Variants in PTPN9 observed in about 807,000 individuals in gnomAD.
The protein encoded by PTPN9 is tyrosine-protein phosphatase non-receptor type 9.
PTPN9 carries 26 observed loss-of-function variants against 69.8 expected under a neutral mutation model. The observed-to-expected ratio is 0.37, with a 90% confidence interval of 0.27 to 0.52. PTPN9 has a LOEUF of 0.52. PTPN9 is among the 20% of genes least tolerant of loss of function. The probability of loss-of-function intolerance (pLI) is 0.91; values close to 1 mark genes in which losing one functional copy is unlikely to be tolerated. For synonymous variants in PTPN9, 274 were observed against 272.5 expected (o/e 1.01, Z -0.05); for missense variants, 549 against 740.3 (o/e 0.74, Z 3.00).
At chr15:75,535,576 G>A (rs769579762) in intron 1 of PTPN9, among the ~76,000 whole-genome samples, 2 of 152,192 alleles carry the variant, frequency 1.3e-5, no homozygotes, top group Non-Finnish European at 2.9e-5. Context: ...CAGTCATCCT[G>A]CAATGAAGAC....
chr15:75,497,355 G>A (rs1022006731), intron 7 of PTPN9, among the ~76,000 whole-genome samples: 2 of 151,860 alleles, frequency 1.3e-5, no homozygotes, highest in African/African-American at 4.8e-5. Context: ...AGCAAGGTGT[G>A]GCACCCCATA....
intron 8 of PTPN9, chr15:75,480,680 G>C: frequency 1.6e-6 from 2 of 1,267,686 alleles, no homozygotes; most frequent in South Asian, 1.6e-5. Flanking sequence ...AGCCGCTGCC[G>C]CGACCGACCG....
At chr15:75,570,594 A>G (rs1170453172) in intron 1 of PTPN9, among the ~76,000 whole-genome samples, 2 of 151,532 alleles carry the variant, frequency 1.3e-5, no homozygotes, top group Non-Finnish European at 2.9e-5. Flanking sequence ...ACATGGTAAA[A>G]CCCCCCTCTA....
At chr15:75,535,124 G>C (rs1041839418) in intron 1 of PTPN9, among the ~76,000 whole-genome samples, 1 of 151,482 alleles carries the variant, frequency 6.6e-6, no homozygotes, top group African/African-American at 2.4e-5. Context: ...AGCCTCCTGA[G>C]TAGCTGGGAC....
intron 7 of PTPN9, among the ~76,000 whole-genome samples, chr15:75,502,370 C>T (rs1211486118): frequency 6.6e-6 from 1 of 151,790 alleles, no homozygotes; most frequent in Admixed American, 6.6e-5. Flanking sequence ...ATCGCTTGAA[C>T]CTGGGAGGCG....
At chr15:75,469,703 C>T in intron 12 of PTPN9, 89 bp downstream of exon 12, 1 of 1,411,282 alleles carries the variant, frequency 7.1e-7, no homozygotes, top group Non-Finnish European at 9.9e-7. Flanking sequence ...AGTTCCTTCT[C>T]CAATCACAGA....
chr15:75,578,659 G>A (rs2075184797), intron 1 of PTPN9, 55 bp downstream of exon 1: 1 of 1,278,164 alleles, frequency 7.8e-7, no homozygotes, highest in Admixed American at 3.8e-5. Flanking sequence ...GCAGAGGCCG[G>A]CGTAGGCCTC....
chr15:75,498,467 C>T (rs528115299), intron 7 of PTPN9, among the ~76,000 whole-genome samples: 4 of 151,948 alleles, frequency 2.6e-5, no homozygotes, highest in African/African-American at 9.7e-5. Flanking sequence ...GTAATCCCAG[C>T]ACTTTGGGAG....
At chr15:75,473,220 A>G (rs2074577957) in intron 10 of PTPN9, among the ~76,000 whole-genome samples, 1 of 152,066 alleles carries the variant, frequency 6.6e-6, no homozygotes, top group African/African-American at 2.4e-5. Flanking sequence ...AGATATCTCA[A>G]AATCTTTGCC....
chr15:75,520,509 T>G (rs1390038999), intron 4 of PTPN9, among the ~76,000 whole-genome samples: 1 of 151,976 alleles, frequency 6.6e-6, no homozygotes, highest in East Asian at 1.9e-4. Context: ...TATGTGTGTA[T>G]ATATATACAT....
rs1466241634 is a variant in PTPN9 at position 75,463,321 on chromosome 15, A to G, written c.*5448T>C. 1 of 152,220 alleles carries G rather than the reference A, an allele frequency of 6.6e-6. No individual in the cohort carries two copies. The highest frequency in any genetic ancestry group is 2.4e-5 in the African/African-American group (1 of 41,446). The allele number at this position is 152,220 out of a possible 1,614,324, so 9.4% of individuals were successfully genotyped here. A position where few individuals can be genotyped will look rare whatever the true frequency, so the allele number is the denominator to read the frequency against. On this transcript the variant is annotated 3_prime_UTR_variant, in exon 13 of 13. Transcript: ENST00000618819. ...AAGAAAATTCATTAAAAGTCAAGAA[A>G]GAGCCCCCAGATGAAATGGCTGACC...
At chr15:75,548,357 G>A (rs1420995727) in intron 1 of PTPN9, among the ~76,000 whole-genome samples, 4 of 151,582 alleles carry the variant, frequency 2.6e-5, no homozygotes, top group Non-Finnish European at 5.9e-5. Context: ...CCAGGTTCAA[G>A]CTATTCTCCT....
intron 1 of PTPN9, among the ~76,000 whole-genome samples, chr15:75,578,303 C>T (rs1024677951): frequency 4.6e-5 from 7 of 152,214 alleles, no homozygotes; most frequent in Admixed American, 1.3e-4. Context: ...GGAAGCACCC[C>T]CCAAACTGGG....
intron 7 of PTPN9, among the ~76,000 whole-genome samples, chr15:75,504,688 T>TGG (rs1218216741): frequency 2.3e-4 from 27 of 118,692 alleles, no homozygotes; most frequent in African/African-American, 6.7e-4. Context: ...GGGAGGGAGG[T>TGG]GGGGGGGTCA....
intron 7 of PTPN9, among the ~76,000 whole-genome samples, chr15:75,498,568 C>T (rs971931253): frequency 2.6e-5 from 4 of 151,514 alleles, no homozygotes; most frequent in Non-Finnish European, 4.4e-5. Context: ...TACAAAAATT[C>T]GTCAGGCATG....
intron 5 of PTPN9, among the ~76,000 whole-genome samples, chr15:75,513,758 C>A (rs1246382174): frequency 6.6e-6 from 1 of 151,682 alleles, no homozygotes; most frequent in African/African-American, 2.4e-5. Flanking sequence ...CAGAGAGAGA[C>A]TCCATCTCAA....
intron 9 of PTPN9, among the ~76,000 whole-genome samples, chr15:75,478,106 T>C (rs1366496185): frequency 6.6e-6 from 1 of 152,000 alleles, no homozygotes; most frequent in East Asian, 1.9e-4. Context: ...CCCAAAGTGC[T>C]GGGATTACAG....
rs572884755 is a variant in PTPN9, at chr15:75,554,445, CAGCCTTCCCA to C, written c.63+24259_63+24268del. On this transcript the variant is annotated intron_variant, in intron 1 of 12. Coordinates refer to ENST00000618819, the MANE Select transcript of PTPN9 (RefSeq NM_002833.4). ...CCGACCTCAGGTGATCCGCCCGCCT[CAGCCTTCCCA>C]AGTGCCAGAATTACAGGCGTGAGCC... Among the ~76,000 whole-genome samples the C allele has an allele frequency of 1.3e-4, 20 of 152,220 alleles. No homozygotes were observed. The South Asian group carries it at 3.9e-3, about 30-fold the overall frequency.
At chr15:75,541,672 C>A (rs1165314116) in intron 1 of PTPN9, among the ~76,000 whole-genome samples, 2 of 152,000 alleles carry the variant, frequency 1.3e-5, no homozygotes, top group Non-Finnish European at 2.9e-5. Context: ...TCTCAAAGTG[C>A]TGGGATTACA....
Sources: allele counts gnomAD v4.1 joint callset (sites outside exome capture counted in the v4.1 genomes callset), GRCh38; gene constraint gnomAD v4.1.1; transcripts MANE v1.5; gene names NCBI Gene and HGNC (gene_info 2026-07-23, HGNC 2026-07-21).